Variants in SHC3 observed in about 807,000 individuals in gnomAD.
The protein encoded by SHC3 is SHC adaptor protein 3.
SHC3 carries 15 observed loss-of-function variants against 60.4 expected under a neutral mutation model. That is an observed-to-expected ratio of 0.25 (90% confidence interval 0.17 to 0.38). The LOEUF (loss-of-function observed/expected upper bound fraction) is 0.38, where lower values mean the gene tolerates loss of function less well. SHC3 is among the 10% of genes least tolerant of loss of function. SHC3 has a pLI of 1.00. For synonymous variants in SHC3, 294 were observed against 325.9 expected (o/e 0.90, Z 1.05); for missense variants, 677 against 786.1 (o/e 0.86, Z 1.66).
chr9:89,077,737 C>T, intron 3 of SHC3, 103 bp downstream of exon 3: 1 of 1,407,634 alleles, frequency 7.1e-7, no homozygotes, highest in East Asian at 2.3e-5. Flanking sequence ...CGCCGGGCCA[C>T]AGAAAGAGGA....
At chr9:89,055,680 T>C (rs557172244) in intron 6 of SHC3, among the ~76,000 whole-genome samples, 2 of 152,332 alleles carry the variant, frequency 1.3e-5, no homozygotes, top group African/African-American at 4.8e-5. Context: ...AGAACTGTCA[T>C]GGGCTTCTCC....
intron 11 of SHC3, among the ~76,000 whole-genome samples, chr9:89,028,136 T>C (rs1350055218): frequency 2.6e-5 from 4 of 152,076 alleles, no homozygotes; most frequent in Non-Finnish European, 2.9e-5. Context: ...CAACCTAAAG[T>C]CTAAACTTCA....
intron 11 of SHC3, among the ~76,000 whole-genome samples, chr9:89,028,060 T>A (rs1413814563): frequency 6.6e-6 from 1 of 152,246 alleles, no homozygotes; most frequent in Admixed American, 6.5e-5. Flanking sequence ...AGGAGGAGGA[T>A]GGTGACCCTA....
intron 7 of SHC3, among the ~76,000 whole-genome samples, chr9:89,047,333 C>T (rs772775620): frequency 7.2e-5 from 11 of 152,246 alleles, no homozygotes; most frequent in Non-Finnish European, 1.3e-4. Flanking sequence ...CAAACAAAAC[C>T]AACTACAAAA....
chr9:89,169,788 C>T (rs149838689), intron 1 of SHC3, among the ~76,000 whole-genome samples: 1 of 152,150 alleles, frequency 6.6e-6, no homozygotes, highest in Non-Finnish European at 1.5e-5. Context: ...TTACCATTCT[C>T]TCTATTTTGT....
chr9:89,055,247 C>G (rs750006757), intron 6 of SHC3, among the ~76,000 whole-genome samples: 26 of 152,260 alleles, frequency 1.7e-4, no homozygotes, highest in Non-Finnish European at 2.2e-4. Flanking sequence ...GCTTCCTCCT[C>G]TCCCCAAATA....
At chr9:89,066,351 G>T (rs1825180954) in intron 5 of SHC3, among the ~76,000 whole-genome samples, 1 of 152,100 alleles carries the variant, frequency 6.6e-6, no homozygotes. Flanking sequence ...AGATATAATG[G>T]TTATTTTCTT....
At chr9:89,046,787 G>C in intron 8 of SHC3, 57 bp downstream of exon 8, 1 of 1,402,906 alleles carries the variant, frequency 7.1e-7, no homozygotes, top group African/African-American at 1.5e-5. Flanking sequence ...AAAACAAAAG[G>C]AAATAAAGTA....
At chr9:89,076,490 G>C (rs143901592) in intron 3 of SHC3, among the ~76,000 whole-genome samples, 1 of 152,310 alleles carries the variant, frequency 6.6e-6, no homozygotes, top group East Asian at 1.9e-4. Context: ...GCATAGAAAA[G>C]CCTTGATTGT....
chr9:89,080,735 AT>A (rs1274271907), intron 2 of SHC3, among the ~76,000 whole-genome samples: 31 of 4,646 alleles, frequency 6.7e-3, no homozygotes, highest in African/African-American at 0.032. Context: ...ACTAGGAAGA[AT>A]ATATATATAT....
intron 11 of SHC3, among the ~76,000 whole-genome samples, chr9:89,014,134 C>T (rs1826056234): frequency 6.6e-6 from 1 of 152,230 alleles, no homozygotes; most frequent in African/African-American, 2.4e-5. Context: ...GCTCCTGTTG[C>T]CCCTGCAGTC....
At chr9:89,155,782 T>C (rs1826614161) in intron 1 of SHC3, among the ~76,000 whole-genome samples, 1 of 152,160 alleles carries the variant, frequency 6.6e-6, no homozygotes. Flanking sequence ...CCAGCTCTGG[T>C]TAACTGACTT....
chr9:89,058,357 A>C (rs1023413400), intron 6 of SHC3, among the ~76,000 whole-genome samples: 3 of 142,764 alleles, frequency 2.1e-5, no homozygotes, highest in Non-Finnish European at 4.6e-5. Context: ...ATGGTGGCGT[A>C]GGACGTGGTG....
chr9:89,141,290 A>G (rs1303776), intron 1 of SHC3, among the ~76,000 whole-genome samples: 27,807 of 152,236 alleles, frequency 0.18, 2,676 homozygotes, highest in Middle Eastern at 0.24. Flanking sequence ...TTGAACAGCG[A>G]GCTTGTGGAG....
chr9:89,063,130 C>T (rs1227325795), intron 6 of SHC3, among the ~76,000 whole-genome samples: 2 of 152,194 alleles, frequency 1.3e-5, no homozygotes, highest in African/African-American at 4.8e-5. Flanking sequence ...TCTGAGCTGG[C>T]TGTGACAGCT....
At position 89,178,524 on chromosome 9, in the gene SHC3, C is replaced by A. The variant is rs984683926; in HGVS notation, c.-64G>T. The A allele has an allele frequency of 5.8e-6, 8 of 1,376,378 alleles. No homozygotes were observed. The Admixed American group carries it at 2.6e-4, about 44-fold the overall frequency. The allele number at this position is 1,376,378 out of a possible 1,614,324, so 85.3% of individuals were successfully genotyped here. On this transcript the variant is annotated 5_prime_UTR_variant, in exon 1 of 12. Transcript: ENST00000375835. This position sits in a 1 kb window ranked among gnomAD's most constrained non-coding sequence, Gnocchi z 6.9. ...TGGTGCCGGCCCCGGCGCGGGCTGC[C>A]GCGCATAGCAGGCGAGCCACTGTCC...
At chr9:89,053,041 G>A (rs1824886358) in intron 6 of SHC3, among the ~76,000 whole-genome samples, 1 of 152,194 alleles carries the variant, frequency 6.6e-6, no homozygotes, top group South Asian at 2.1e-4. Context: ...CCAGGGTACT[G>A]GAAAATACCT....
chr9:89,178,049 G>A lies in SHC3; in HGVS notation c.412C>T (p.Pro138Ser), dbSNP rs1371473424. 4.9e-6 allele frequency: 6 copies of A among 1,226,822 alleles called. No homozygotes were observed. Among genetic ancestry groups the A allele is most frequent in the East Asian group, 3.2e-5 (1 of 30,854 alleles). 76.0% of individuals were successfully genotyped at this position (1,226,822 alleles called of 1,614,324 possible). A position where few individuals can be genotyped will look rare whatever the true frequency, so the allele number is the denominator to read the frequency against. ...RPGDEPLPRP[P>S]RGAPHASDQV... ...TCGCTGGCGTGCGGCGCCCCCCGAG[G>A]GGGCCTGGGCAGCGGCTCGTCGCCG... Residue 138 changes from proline (P) to serine (S), a missense_variant, in exon 1 of 12, where the codon CCT becomes TCT. By Grantham distance (74) the Pro-to-Ser change is moderately conservative (BLOSUM62 -1). Coordinates refer to ENST00000375835, the MANE Select transcript of SHC3 (RefSeq NM_016848.6). The surrounding 1 kb of genome is among the most constrained non-coding windows in gnomAD (Gnocchi z 6.9).
chr9:89,134,507 C>G (rs1826293178), intron 1 of SHC3, among the ~76,000 whole-genome samples: 1 of 151,998 alleles, frequency 6.6e-6, no homozygotes, highest in South Asian at 2.1e-4. Flanking sequence ...AGAATCTTGC[C>G]TTACAGTTGA....
Sources: allele counts gnomAD v4.1 joint callset (sites outside exome capture counted in the v4.1 genomes callset), GRCh38; gene constraint gnomAD v4.1.1; non-coding constraint Gnocchi (gnomAD v3.1); transcripts MANE v1.5; gene names NCBI Gene and HGNC (gene_info 2026-07-23, HGNC 2026-07-21).